CSMD1: variants seen among roughly 807,000 people sequenced by gnomAD.
The protein encoded by CSMD1 is CUB and Sushi multiple domains 1.
Under a neutral mutation model 417.5 loss-of-function variants are expected in CSMD1, and 213 were observed. The observed-to-expected ratio is 0.51, with a 90% CI of 0.46 to 0.57. The LOEUF (loss-of-function observed/expected upper bound fraction) is 0.57, where lower values mean the gene tolerates loss of function less well. CSMD1 is among the 20% of genes least tolerant of loss of function. The probability of loss-of-function intolerance (pLI) is 0.00; values close to 1 mark genes in which losing one functional copy is unlikely to be tolerated. For synonymous variants in CSMD1, 2,862 were observed against 1,736.8 expected (o/e 1.65, Z -16.11); for missense variants, 6,923 against 4,529.7 (o/e 1.53, Z -15.17).
At position 3,582,112 on chromosome 8, in the gene CSMD1, A is replaced by G. The variant is rs76063263; in HGVS notation, c.1222+4024T>C. Among the ~76,000 whole-genome samples, 386 of 152,278 alleles carry G rather than the reference A, an allele frequency of 2.5e-3. 1 individual carries two copies. Among genetic ancestry groups the G allele is most frequent in the African/African-American group, 9.0e-3 (375 of 41,566 alleles). Reference sequence around the variant, plus strand: ...GCTGGCCAATGCTGTCTTTTCTGATACTATTTTTTGTGGTAATGGAAGAGT... The same window carrying G: ...GCTGGCCAATGCTGTCTTTTCTGATGCTATTTTTTGTGGTAATGGAAGAGT... On this transcript the variant is annotated intron_variant, in intron 9 of 69. Coordinates refer to ENST00000635120, the MANE Select transcript of CSMD1 (RefSeq NM_033225.6).
At chr8:3,506,216 C>T (rs551736698) in intron 10 of CSMD1, among the ~76,000 whole-genome samples, 12 of 152,092 alleles carry the variant, frequency 7.9e-5, no homozygotes, top group Non-Finnish European at 1.2e-4. Flanking sequence ...GTCAGGGAGA[C>T]GGCCCTGGGG....
intron 2 of CSMD1, among the ~76,000 whole-genome samples, chr8:4,601,690 G>A (rs1285647235): frequency 6.6e-6 from 1 of 152,168 alleles, no homozygotes; most frequent in Non-Finnish European, 1.5e-5. Flanking sequence ...CATGCAATGA[G>A]GGGATCGTGA....
intron 12 of CSMD1, among the ~76,000 whole-genome samples, chr8:3,419,140 G>A (rs1490881136): frequency 2.0e-5 from 3 of 152,310 alleles, no homozygotes; most frequent in East Asian, 3.9e-4. Context: ...AAGCTGCGCT[G>A]TTCTCTAATT....
intron 12 of CSMD1, among the ~76,000 whole-genome samples, chr8:3,424,774 C>A (rs902035408): frequency 6.6e-6 from 1 of 152,160 alleles, no homozygotes; most frequent in African/African-American, 2.4e-5. Flanking sequence ...TCAAGGAACC[C>A]TTATTTGACT....
At chr8:3,128,517 G>A (rs1026929312) in intron 41 of CSMD1, 1 of 257,756 alleles carries the variant, frequency 3.9e-6, no homozygotes, top group Non-Finnish European at 7.6e-6. Flanking sequence ...CATCTTCTTA[G>A]GAGTTATTAA....
chr8:4,212,616 G>A (rs868581942), intron 3 of CSMD1, among the ~76,000 whole-genome samples: 3 of 151,864 alleles, frequency 2.0e-5, no homozygotes, highest in Admixed American at 2.0e-4. Flanking sequence ...TCTAAACAAT[G>A]ATCCTGTCTA....
chr8:3,463,585 G>C (rs1328697756), intron 12 of CSMD1, among the ~76,000 whole-genome samples: 1 of 152,154 alleles, frequency 6.6e-6, no homozygotes, highest in East Asian at 1.9e-4. Context: ...CACAAGGACA[G>C]GGGCATGAGC....
chr8:4,694,807 A>G (rs1807010434), intron 1 of CSMD1, among the ~76,000 whole-genome samples: 1 of 152,048 alleles, frequency 6.6e-6, no homozygotes, highest in Non-Finnish European at 1.5e-5. Flanking sequence ...CCTTGGCAAA[A>G]TAAACTTTCT....
intron 3 of CSMD1, among the ~76,000 whole-genome samples, chr8:4,055,916 G>C (rs917087315): frequency 1.3e-5 from 2 of 151,954 alleles, no homozygotes; most frequent in African/African-American, 4.8e-5. Context: ...TAGTATTTAA[G>C]CTTTTAAACA....
intron 11 of CSMD1, among the ~76,000 whole-genome samples, chr8:3,478,594 CAGA>C (rs1295506529): frequency 6.6e-6 from 1 of 152,158 alleles, no homozygotes; most frequent in African/African-American, 2.4e-5. Flanking sequence ...CGATCACAAA[CAGA>C]AGGCCACTCC....
At chr8:4,289,584 G>C (rs1204409568) in intron 3 of CSMD1, among the ~76,000 whole-genome samples, 3 of 152,158 alleles carry the variant, frequency 2.0e-5, no homozygotes, top group African/African-American at 7.2e-5. Context: ...TTTTGTCCAG[G>C]TCTGGCAGTG....
chr8:4,869,008 C>T (rs917173231), intron 1 of CSMD1, among the ~76,000 whole-genome samples: 12 of 151,670 alleles, frequency 7.9e-5, no homozygotes, highest in Non-Finnish European at 1.8e-4. Flanking sequence ...AATATATATA[C>T]ATTTTATATT....
intron 3 of CSMD1, among the ~76,000 whole-genome samples, chr8:4,202,196 G>T (rs557485445): frequency 6.6e-6 from 1 of 151,906 alleles, no homozygotes; most frequent in East Asian, 1.9e-4. Flanking sequence ...CTCTTATAAT[G>T]ACGCAACAAA....
chr8:4,098,002 T>C (rs967165700), intron 3 of CSMD1, among the ~76,000 whole-genome samples: 21 of 152,212 alleles, frequency 1.4e-4, no homozygotes, highest in African/African-American at 2.4e-4. Flanking sequence ...AAATGAACTC[T>C]GTCAAGAGTG....
At chr8:4,014,911 T>C (rs967324034) in intron 4 of CSMD1, among the ~76,000 whole-genome samples, 1 of 152,188 alleles carries the variant, frequency 6.6e-6, no homozygotes, top group African/African-American at 2.4e-5. Context: ...CACTTCTGAT[T>C]ATTTTTTAAG....
chr8:4,241,281 A>G (rs1669820347), intron 3 of CSMD1, among the ~76,000 whole-genome samples: 1 of 152,136 alleles, frequency 6.6e-6, no homozygotes, highest in Non-Finnish European at 1.5e-5. Context: ...TCTCACCACA[A>G]TTCATTCCCT....
intron 10 of CSMD1, among the ~76,000 whole-genome samples, chr8:3,542,278 G>A (rs1798472565): frequency 6.6e-6 from 1 of 152,120 alleles, no homozygotes; most frequent in East Asian, 1.9e-4. Flanking sequence ...GTCATCTGAA[G>A]ATGGTTCATT....
chr8:3,924,330 T>G (rs552697326), intron 5 of CSMD1, among the ~76,000 whole-genome samples: 5 of 152,292 alleles, frequency 3.3e-5, no homozygotes, highest in African/African-American at 1.2e-4. Context: ...TTTTGACAGT[T>G]TAAAGTGTCT....
chr8:4,723,797 A>AC (rs1554457687), intron 1 of CSMD1, among the ~76,000 whole-genome samples: 4 of 146,552 alleles, frequency 2.7e-5, no homozygotes, highest in East Asian at 4.0e-4. Context: ...TAAAAAAAAA[A>AC]AAACAAAAAA....
Sources: gnomAD v4.1 joint callset for allele counts (sites outside exome capture counted in the v4.1 genomes callset) on GRCh38, gnomAD v4.1.1 for gene constraint, MANE v1.5 for transcripts, NCBI Gene and HGNC (gene_info 2026-07-23, HGNC 2026-07-21) for gene names.